NEB: variants seen among roughly 807,000 people sequenced by gnomAD.
The protein encoded by NEB is nemaline myopathy type 2.
NEB carries 512 observed loss-of-function variants against 952.2 expected under a neutral mutation model. The observed-to-expected ratio is 0.54, with a 90% CI of 0.50 to 0.58. The LOEUF is 0.58. Among genes scored for constraint, NEB ranks in the 20% least tolerant of loss-of-function variants. The pLI is 0.00. For missense variants in NEB, 8,428 were observed against 9,231.1 expected (o/e 0.91, Z 3.56); for synonymous variants, 2,900 against 3,149.8 (o/e 0.92, Z 2.66).
intron 72 of NEB, 125 bp from the exon 73 acceptor site, chr2:151,619,887 T>C (rs2098342928): frequency 1.1e-6 from 1 of 950,648 alleles, no homozygotes; most frequent in Non-Finnish European, 1.5e-6. Context: ...CATGCTGCTG[T>C]AACGCCACAT....
intron 172 of NEB, 55 bp downstream of exon 172, chr2:151,496,886 C>A (rs1449231867): frequency 1.3e-5 from 19 of 1,463,338 alleles, no homozygotes; most frequent in Admixed American, 2.0e-5. Flanking sequence ...TATTTTAAAT[C>A]ATGAAATAGT....
intron 143 of NEB, among the ~76,000 whole-genome samples, chr2:151,532,549 A>G (rs1176207933): frequency 6.6e-6 from 1 of 152,144 alleles, no homozygotes; most frequent in Non-Finnish European, 1.5e-5. Flanking sequence ...AGATACAGAG[A>G]GCACCATAAA....
intron 78 of NEB, among the ~76,000 whole-genome samples, 176 bp downstream of exon 78, chr2:151,612,010 G>A (rs2097991195): frequency 6.6e-6 from 1 of 152,144 alleles, no homozygotes; most frequent in Non-Finnish European, 1.5e-5. Context: ...AGAATTAGGG[G>A]GCAGGGTGTT....
chr2:151,706,131 G>A (rs1187900626), intron 13 of NEB, among the ~76,000 whole-genome samples: 1 of 152,090 alleles, frequency 6.6e-6, no homozygotes, highest in East Asian at 1.9e-4. Flanking sequence ...GAGCTATTTG[G>A]GCAGATCCAT....
At position 151,678,005 on chromosome 2, in the gene NEB, G is replaced by A. The variant is rs373118761; in HGVS notation, c.3438C>T (p.Val1146=). 4.9e-5 allele frequency: 79 copies of A among 1,613,776 alleles called. No individual in the cohort carries two copies. The highest frequency in any genetic ancestry group is 6.2e-5 in the Non-Finnish European group (73 of 1,179,866). ...KYNTPHDMFN[V]VAAKKAQDVV... is the part of the protein sequence containing the mutation. ...CATCCTGGGCTTTCTTAGCCGCCAC[G>A]ACATTGAACATATCATGGGGCGTGT... The change falls in exon 33 of 182, where the codon GTC becomes GTT. Residue 1146 remains valine (V), a synonymous_variant. Coordinates refer to ENST00000397345, the MANE Select transcript of NEB (RefSeq NM_001164508.2).
chr2:151,503,303 A>C (rs2066144297), intron 166 of NEB, 46 bp downstream of exon 166: 2 of 1,415,388 alleles, frequency 1.4e-6, no homozygotes, highest in Non-Finnish European at 9.9e-7. Flanking sequence ...TATTGTGGTA[A>C]ATTTTTTATG....
intron 142 of NEB, chr2:151,534,289 T>G: frequency 6.2e-7 from 1 of 1,613,652 alleles, no homozygotes; most frequent in Non-Finnish European, 8.5e-7. Context: ...TATTTATCTT[T>G]CCGCTGCTCA....
chr2:151,673,389 G>A (rs1342130112), intron 36 of NEB, among the ~76,000 whole-genome samples: 1 of 150,454 alleles, frequency 6.6e-6, no homozygotes, highest in Non-Finnish European at 1.5e-5. Context: ...GCAGGCAAAA[G>A]GATCGTCAAG....
chr2:151,581,520 A>T lies in NEB; in HGVS notation c.16247T>A (p.Met5416Lys). ...NVNVPADTPLMLQSKINALQI... is the reference protein window; with the variant it reads ...NVNVPADTPLKLQSKINALQI... ...CAGGGCATTGATTTTGGATTGCAGC[A>T]TCAGGGGAGTGTCAGCTGGCACGTT... The change falls in exon 103 of 182, where the codon ATG (methionine) becomes AAG (lysine). Residue 5416 changes from methionine (M) to lysine (K), a missense_variant. Met to Lys is a moderately conservative substitution (Grantham distance 95). Around this residue, in one of 11 missense-constraint regions of NEB, gnomAD observed 40 missense variants for 61.2 expected, o/e 0.65. Coordinates refer to ENST00000397345, the MANE Select transcript of NEB (RefSeq NM_001164508.2). The T allele has an allele frequency of 1.7e-6, 2 of 1,169,838 alleles. No homozygotes were observed. Among genetic ancestry groups the T allele is most frequent in the Non-Finnish European group, 2.4e-6 (2 of 841,244 alleles). The allele number at this position is 1,169,838 out of a possible 1,614,324, so 72.5% of individuals were successfully genotyped here. A position where few individuals can be genotyped will look rare whatever the true frequency, so the allele number is the denominator to read the frequency against.
rs780724946 is a variant in NEB at position 151,497,630 on chromosome 2, C to CTAA, written c.24293_24295dup (p.Ile8098dup). The CTAA allele has an allele frequency of 1.0e-4, 161 of 1,572,378 alleles. No individual in the cohort carries two copies. In the East Asian group the frequency reaches 3.7e-3, roughly 36 times the overall value. ...TTTCTTTTCTTGCCAAAGTACCGAG[C>CTAA]TAATATTTTCTTGATTGTGTTTGAC... On this transcript the variant is annotated inframe_insertion, in exon 171 of 182. Coordinates refer to ENST00000397345, the MANE Select transcript of NEB (RefSeq NM_001164508.2).
In NEB at chr2:151,567,257, C is replaced by T. The variant is rs755457824; in HGVS notation, c.18067G>A (p.Asp6023Asn). Residue 6023 changes from aspartate (D) to asparagine (N), a missense_variant, in exon 114 of 182, where the codon GAT becomes AAT. Physicochemically the swap from Asp to Asn is conservative, Grantham distance 23. Coordinates refer to ENST00000397345, the MANE Select transcript of NEB (RefSeq NM_001164508.2). ...KQGQTLVSDI[D>N]YRNYLHQWMC... ...CATTGGTGCAAGTAATTACGATAAT[C>T]AATATCACTGACAAGGGTCTGCCCC... 4 of 1,613,874 alleles carry T rather than the reference C, an allele frequency of 2.5e-6. No homozygotes were observed. In the South Asian group the frequency reaches 4.4e-5, roughly 18 times the overall value.
chr2:151,559,963 G>A (rs77233070), intron 124 of NEB, among the ~76,000 whole-genome samples: 41,981 of 151,848 alleles, frequency 0.28, 5,992 homozygotes, highest in East Asian at 0.4. Context: ...ACACACACAC[G>A]CAAAAAGGTT....
chr2:151,697,240 C>T lies in NEB; in HGVS notation c.1378G>A (p.Ala460Thr). 1.2e-6 allele frequency: 2 copies of T among 1,613,846 alleles called. No homozygotes were observed. Among genetic ancestry groups the T allele is most frequent in the Non-Finnish European group, 1.7e-6 (2 of 1,179,832 alleles). ...TTGCCTCTGTCTTCTTCGTATTCTGCTTTGTAGTTTTTCTATGAGGAGAAG... is the reference window on the plus strand; with the variant it reads ...TTGCCTCTGTCTTCTTCGTATTCTGTTTTGTAGTTTTTCTATGAGGAGAAG... ...TAQNSDKNYK[A>T]EYEEDRGKGF... Residue 460 changes from alanine to threonine, a missense_variant, in exon 16 of 182, where the codon GCA (alanine) becomes ACA (threonine). By Grantham distance (58) the Ala-to-Thr change is moderately conservative. This residue lies in a region of NEB where 2,851 missense variants were observed against 2,791.5 expected (regional missense o/e 1.02). Transcript: ENST00000397345.
At chr2:151,696,520 C>G in intron 17 of NEB, 117 bp downstream of exon 17, 1 of 742,840 alleles carries the variant, frequency 1.3e-6, no homozygotes, top group Non-Finnish European at 2.3e-6. Flanking sequence ...ACTGTTTAAA[C>G]TTGCTAATAC....
intron 50 of NEB, 77 bp from the exon 51 acceptor site, chr2:151,655,451 A>T: frequency 1.3e-6 from 1 of 752,804 alleles, no homozygotes; most frequent in Non-Finnish European, 2.1e-6. Flanking sequence ...TTTATATATT[A>T]GTACTTGAAT....
At chr2:151,564,164 A>G (rs529604324) in intron 117 of NEB, among the ~76,000 whole-genome samples, 21 of 151,492 alleles carry the variant, frequency 1.4e-4, no homozygotes, top group Admixed American at 5.3e-4. Context: ...TTTTATTTTT[A>G]TGTTTTTTGA....
In NEB at chr2:151,631,136, G is replaced by A. The variant is rs760075915; in HGVS notation, c.9618+7C>T. On this transcript the variant is annotated splice_region_variant and intron_variant, in intron 66 of 181. Coordinates refer to ENST00000397345, the MANE Select transcript of NEB (RefSeq NM_001164508.2). ...TCTTGGAGAAGCTTAAGGCAGCTAGGACTCACCTTATTCATGTTGAGAGCA... is the reference window on the plus strand; with the variant it reads ...TCTTGGAGAAGCTTAAGGCAGCTAGAACTCACCTTATTCATGTTGAGAGCA... 3 of 1,613,626 alleles carry A rather than the reference G, an allele frequency of 1.9e-6. No individual in the cohort carries two copies. The highest frequency in any genetic ancestry group is 2.2e-5 in the South Asian group (2 of 91,050).
Position 151,706,863 on chromosome 2 carries a change from T to G in NEB, c.1152+18A>C, listed in dbSNP as rs942793243. ...TTGCAGCTAAGGTTTAAAAACACTT[T>G]GACAAAAATATACTTACGTCACTTA... On this transcript the variant is annotated intron_variant, in intron 13 of 181. Coordinates refer to ENST00000397345, the MANE Select transcript of NEB (RefSeq NM_001164508.2). 9.0e-6 allele frequency: 14 copies of G among 1,555,478 alleles called. No homozygotes were observed. The highest frequency in any genetic ancestry group is 1.2e-5 in the Non-Finnish European group (14 of 1,143,374).
In NEB at chr2:151,614,577, T is replaced by C. The variant is rs761139484; in HGVS notation, c.11300A>G (p.Lys3767Arg). The change falls in exon 77 of 182, where the codon AAG becomes AGG. Residue 3767 changes from lysine (K) to arginine (R), a missense_variant. Around this residue, in one of 11 missense-constraint regions of NEB, gnomAD observed 1,772 missense variants for 1,960.3 expected, o/e 0.90. Transcript: ENST00000397345. Reference protein sequence around the residue: ...SRDIASDYKYKEGYRKQLGHH... With the variant: ...SRDIASDYKYREGYRKQLGHH... ...GCCAAGCTGTTTGCGGTAGCCTTCC[T>C]TGTACTTGTACTAAAAAAATAGAGA... 7.3e-5 allele frequency: 118 copies of C among 1,611,938 alleles called. No individual in the cohort carries two copies. Among genetic ancestry groups the C allele is most frequent in the South Asian group, 5.5e-4 (50 of 91,044 alleles).
Sources: allele counts gnomAD v4.1 joint callset (sites outside exome capture counted in the v4.1 genomes callset), GRCh38; gene constraint gnomAD v4.1.1; regional missense constraint gnomAD v4.1.1; transcripts MANE v1.5; gene names NCBI Gene and HGNC (gene_info 2026-07-23, HGNC 2026-07-21).